The following STARD13 variants were observed in gnomAD, a reference collection of about 807,000 sequenced individuals.
The protein encoded by STARD13 is stAR-related lipid transfer protein 13.
A neutral mutation model predicts 106.4 loss-of-function variants in STARD13; 62 were observed. That is an observed-to-expected ratio of 0.58 (90% confidence interval 0.48 to 0.72). STARD13 has a LOEUF of 0.72. STARD13 is among the 30% of genes least tolerant of loss of function. The probability of loss-of-function intolerance (pLI) is 0.00; values close to 1 mark genes in which losing one functional copy is unlikely to be tolerated. For synonymous variants in STARD13, 565 were observed against 553.0 expected (o/e 1.02, Z -0.31); for missense variants, 1,387 against 1,424.0 (o/e 0.97, Z 0.42).
At chr13:33,153,896 C>T (rs544140055) in intron 3 of STARD13, among the ~76,000 whole-genome samples, 24 of 152,260 alleles carry the variant, frequency 1.6e-4, no homozygotes, top group East Asian at 3.9e-4. Context: ...GGGAGTGTTC[C>T]GGGTGGGGCC....
chr13:33,434,594 C>T, the STARD13 span, among the ~76,000 whole-genome samples: 9,787 of 152,070 alleles, frequency 0.064, 384 homozygotes, highest in East Asian at 0.13. Flanking sequence ...TCAGTCAATA[C>T]GGATCTGTAT....
At chr13:33,645,053 C>G in the STARD13 span, among the ~76,000 whole-genome samples, 4 of 152,196 alleles carry the variant, frequency 2.6e-5, no homozygotes, top group Admixed American at 2.6e-4. Flanking sequence ...AAGCAGGAGT[C>G]TCTTGCAACG....
At chr13:33,225,415 C>T (rs1888572458) in intron 1 of STARD13, among the ~76,000 whole-genome samples, 2 of 152,174 alleles carry the variant, frequency 1.3e-5, no homozygotes, top group Admixed American at 1.3e-4. Flanking sequence ...TTCCTTCTAA[C>T]TTTTATTTTT....
chr13:33,407,094 G>A, the STARD13 span, among the ~76,000 whole-genome samples: 4 of 152,198 alleles, frequency 2.6e-5, no homozygotes, highest in African/African-American at 9.7e-5. Context: ...GGTTCTCAAT[G>A]TAAAAGTTTA....
chr13:33,667,364 T>C, the STARD13 span, among the ~76,000 whole-genome samples: 1 of 152,232 alleles, frequency 6.6e-6, no homozygotes, highest in East Asian at 1.9e-4. Context: ...GGGAATAGAA[T>C]GTCTATATGA....
At chr13:33,404,730 C>A in the STARD13 span, among the ~76,000 whole-genome samples, 1 of 151,502 alleles carries the variant, frequency 6.6e-6, no homozygotes, top group Non-Finnish European at 1.5e-5. Context: ...TCACACCATG[C>A]CAAAGGGAGT....
At chr13:33,121,379 C>T (rs138979943) in intron 7 of STARD13, among the ~76,000 whole-genome samples, 7 of 152,058 alleles carry the variant, frequency 4.6e-5, no homozygotes, top group African/African-American at 1.7e-4. Context: ...CCAGCCTGGC[C>T]AACATGGCAA....
chr13:33,446,002 G>C, the STARD13 span, among the ~76,000 whole-genome samples: 1 of 151,924 alleles, frequency 6.6e-6, no homozygotes, highest in African/African-American at 2.4e-5. Context: ...CTACCCAATA[G>C]ATCATGTACA....
chr13:33,133,835 G>GT (rs1262957862), intron 4 of STARD13, among the ~76,000 whole-genome samples: 2 of 152,024 alleles, frequency 1.3e-5, no homozygotes, highest in African/African-American at 2.4e-5. Context: ...AGAGTTTAAG[G>GT]TTTTTTTACG....
the STARD13 span, among the ~76,000 whole-genome samples, chr13:33,360,799 C>CTT: frequency 2.5e-5 from 3 of 118,162 alleles, no homozygotes; most frequent in Non-Finnish European, 3.6e-5. Context: ...TTTTTCTTTT[C>CTT]TTTTTTTTTT....
the STARD13 span, among the ~76,000 whole-genome samples, chr13:33,402,347 G>A: frequency 1.3e-5 from 2 of 152,180 alleles, no homozygotes. Context: ...TAGGGTTAGA[G>A]CACAGCATAA....
chr13:33,244,186 A>G (rs1036103765), intron 1 of STARD13, among the ~76,000 whole-genome samples: 2 of 152,008 alleles, frequency 1.3e-5, no homozygotes, highest in East Asian at 3.9e-4. Flanking sequence ...GATACCATGA[A>G]AGCTGAAAAT....
the STARD13 span, among the ~76,000 whole-genome samples, chr13:33,604,781 A>G: frequency 6.6e-6 from 1 of 151,874 alleles, no homozygotes. Context: ...CCCGAGGGAC[A>G]GAGCAAGACT....
At chr13:33,421,044 T>C in the STARD13 span, among the ~76,000 whole-genome samples, 13 of 152,044 alleles carry the variant, frequency 8.6e-5, no homozygotes, top group African/African-American at 2.4e-4. Context: ...TTAAAAGAGC[T>C]AGAGAAGCAA....
At chr13:33,142,595 C>T (rs1339260002) in intron 3 of STARD13, among the ~76,000 whole-genome samples, 2 of 152,214 alleles carry the variant, frequency 1.3e-5, no homozygotes, top group Admixed American at 1.3e-4. Context: ...CCAATCCCTG[C>T]CTTTTCCCTA....
At chr13:33,669,638 C>A in the STARD13 span, among the ~76,000 whole-genome samples, 4 of 148,916 alleles carry the variant, frequency 2.7e-5, no homozygotes, top group Non-Finnish European at 4.4e-5. Context: ...TGGGTTCAAG[C>A]AATTCTCCTG....
At chr13:33,392,981 A>G in the STARD13 span, among the ~76,000 whole-genome samples, 1 of 152,240 alleles carries the variant, frequency 6.6e-6, no homozygotes, top group East Asian at 1.9e-4. Flanking sequence ...TGTAAGGTAC[A>G]ATACGGCAAA....
the STARD13 span, among the ~76,000 whole-genome samples, chr13:33,530,272 A>C: frequency 6.6e-6 from 1 of 152,154 alleles, no homozygotes; most frequent in Non-Finnish European, 1.5e-5. Context: ...AAACTTTGCA[A>C]GAACTCCCCG....
the STARD13 span, among the ~76,000 whole-genome samples, chr13:33,499,661 C>T: frequency 6.9e-6 from 1 of 145,410 alleles, no homozygotes. Context: ...TCTTCTTCTT[C>T]TTCCTCGTCC....
Sources: allele counts gnomAD v4.1 joint callset (sites outside exome capture counted in the v4.1 genomes callset), GRCh38; gene constraint gnomAD v4.1.1; transcripts MANE v1.5; gene names NCBI Gene and HGNC (gene_info 2026-07-23, HGNC 2026-07-21).